SHROOM4: variants seen among roughly 807,000 people sequenced by gnomAD.
The protein encoded by SHROOM4 is shroom family member 4.
A neutral mutation model predicts 80.3 loss-of-function variants in SHROOM4; 17 were observed. That is an observed-to-expected ratio of 0.21 (90% confidence interval 0.14 to 0.32). The LOEUF (loss-of-function observed/expected upper bound fraction) is 0.32. Ranked by LOEUF, SHROOM4 falls within the 10% of genes least tolerant of loss-of-function variation. The pLI is 1.00. For missense variants in SHROOM4, 993 were observed against 1,140.3 expected, an observed-to-expected ratio of 0.87 and a Z score of 1.86; for synonymous variants, 400 against 437.5, an observed-to-expected ratio of 0.91 and a Z score of 1.07.
At chrX:50,687,267 C>CTTTTTTT (rs1217867502) in intron 2 of SHROOM4, 1 of 88,854 alleles carries the variant, frequency 1.1e-5, no homozygotes, top group African/African-American at 4.5e-5. Context: ...ATTTTGGTGT[C>CTTTTTTT]TTTTTTTTTT....
intron 1 of SHROOM4, among the ~76,000 whole-genome samples, chrX:50,701,472 A>G (rs1236028464): frequency 9.0e-6 from 1 of 111,624 alleles, no homozygotes; most frequent in African/African-American, 3.3e-5. Context: ...TTTACACTGA[A>G]GTGTTCTTCT....
At chrX:50,678,079 C>T (rs1269094952) in intron 2 of SHROOM4, among the ~76,000 whole-genome samples, 8 of 111,783 alleles carry the variant, frequency 7.2e-5, no homozygotes, top group Non-Finnish European at 1.1e-4. Context: ...AGCAAAACCA[C>T]TCCTTGTATT....
chrX:50,740,616 G>A (rs999771430), intron 1 of SHROOM4, among the ~76,000 whole-genome samples: 9 of 111,568 alleles, frequency 8.1e-5, no homozygotes, highest in African/African-American at 2.9e-4. Flanking sequence ...TGACAGACAT[G>A]TATAGAGCAC....
intron 2 of SHROOM4, among the ~76,000 whole-genome samples, chrX:50,649,967 G>T (rs1931978292): frequency 8.9e-6 from 1 of 112,148 alleles, no homozygotes; most frequent in Non-Finnish European, 1.9e-5. Flanking sequence ...ATTCATAATG[G>T]TAAAATTTGG....
chrX:50,744,163 GGA>G (rs1478489552), intron 1 of SHROOM4, among the ~76,000 whole-genome samples: 2 of 110,773 alleles, frequency 1.8e-5, no homozygotes, highest in Non-Finnish European at 3.8e-5. Flanking sequence ...TCATATTTGG[GGA>G]TTTTAAGCCA....
rs782073198 is a variant in SHROOM4, at chrX:50,591,912, T to C, written c.*4783A>G. The C allele has an allele frequency of 3.1e-6, 1 of 325,306 alleles. No individual in the cohort carries two copies. Among genetic ancestry groups the C allele is most frequent in the Non-Finnish European group, 5.9e-6 (1 of 168,496 alleles). 26.8% of individuals were successfully genotyped at this position (325,306 alleles called of 1,213,427 possible). On this transcript the variant is annotated 3_prime_UTR_variant, in exon 9 of 9. Transcript: ENST00000376020. ...TTTTGTATTTTTAGTAGAGATAGGG[T>C]TTCACCGTGTTAGCCAGGATGGTCT...
chrX:50,668,197 A>C, intron 2 of SHROOM4, among the ~76,000 whole-genome samples: 1 of 112,177 alleles, frequency 8.9e-6, no homozygotes, highest in South Asian at 3.8e-4. Flanking sequence ...GAGCATAGGC[A>C]TCCGCTCCCC....
chrX:50,651,637 G>T (rs1557258795), intron 2 of SHROOM4, among the ~76,000 whole-genome samples: 1 of 111,357 alleles, frequency 9.0e-6, no homozygotes, highest in Non-Finnish European at 1.9e-5. Flanking sequence ...GAACGTGCAG[G>T]TTTGTTACAT....
chrX:50,624,226 C>A (rs1021888987), intron 5 of SHROOM4, among the ~76,000 whole-genome samples: 3 of 111,863 alleles, frequency 2.7e-5, no homozygotes, highest in Non-Finnish European at 5.6e-5. Context: ...TGTGCTCCCC[C>A]CTTACAGACC....
intron 1 of SHROOM4, among the ~76,000 whole-genome samples, chrX:50,812,756 C>CAA (rs113033542): frequency 7.5e-4 from 79 of 105,670 alleles, no homozygotes; most frequent in East Asian, 3.1e-3. Context: ...CACCCCCCCG[C>CAA]AAAAAAAAAG....
At chrX:50,771,066 G>A (rs782236749) in intron 1 of SHROOM4, among the ~76,000 whole-genome samples, 3 of 112,027 alleles carry the variant, frequency 2.7e-5, no homozygotes, top group African/African-American at 9.7e-5. Flanking sequence ...CCTGAACTCT[G>A]TGGAATGTCA....
rs782459630 is a variant in SHROOM4 at position 50,722,466 on chromosome X, G to A, written c.118-26529C>T. On this transcript the variant is annotated intron_variant, in intron 1 of 8. Transcript: ENST00000376020. ...TCATCAGTACCTGCTAAACCCCAGCGCAGCCCTAAGGTGTGGACTCTCCCT... is the reference window on the plus strand; with the variant it reads ...TCATCAGTACCTGCTAAACCCCAGCACAGCCCTAAGGTGTGGACTCTCCCT... Among the ~76,000 whole-genome samples the A allele has an allele frequency of 7.2e-5, 8 of 110,791 alleles. No homozygotes were observed. In the South Asian group the frequency reaches 1.6e-3, roughly 22 times the overall value.
At chrX:50,692,277 CA>C (rs1933240930) in intron 2 of SHROOM4, among the ~76,000 whole-genome samples, 2 of 111,973 alleles carry the variant, frequency 1.8e-5, no homozygotes, top group African/African-American at 3.3e-5. Flanking sequence ...ACCAGCATCT[CA>C]CAGGGGCCTT....
At chrX:50,612,638 G>A (rs1557250093) in intron 5 of SHROOM4, among the ~76,000 whole-genome samples, 1 of 111,382 alleles carries the variant, frequency 9.0e-6, no homozygotes, top group African/African-American at 3.3e-5. Flanking sequence ...TAAAATATTA[G>A]CAAACAGAAT....
At chrX:50,577,668 A>G in the SHROOM4 span, among the ~76,000 whole-genome samples, 1 of 112,087 alleles carries the variant, frequency 8.9e-6, no homozygotes, top group Non-Finnish European at 1.9e-5. Context: ...CTCTCCTCCA[A>G]TTGCCTACCT....
At chrX:50,730,730 G>A (rs968844416) in intron 1 of SHROOM4, among the ~76,000 whole-genome samples, 18 of 108,503 alleles carry the variant, frequency 1.7e-4, no homozygotes, top group Non-Finnish European at 2.3e-4. Flanking sequence ...AGCCGAGATC[G>A]CACCACTGCA....
intron 2 of SHROOM4, among the ~76,000 whole-genome samples, chrX:50,649,036 G>T (rs180797769): frequency 1.8e-5 from 2 of 111,878 alleles, no homozygotes; most frequent in African/African-American, 6.5e-5. Context: ...GGTAAAATCA[G>T]AGCAATGGCA....
intron 5 of SHROOM4, among the ~76,000 whole-genome samples, chrX:50,623,651 G>A (rs1482911824): frequency 9.0e-6 from 1 of 111,284 alleles, no homozygotes; most frequent in African/African-American, 3.3e-5. Context: ...TTACCATTTG[G>A]CCCAGCAATT....
chrX:50,660,398 G>T (rs1368572560), intron 2 of SHROOM4, among the ~76,000 whole-genome samples: 6 of 111,247 alleles, frequency 5.4e-5, no homozygotes, highest in African/African-American at 1.6e-4. Flanking sequence ...CCACATGCCT[G>T]CCCCCCAAAA....
Sources: gnomAD v4.1 joint callset for allele counts (sites outside exome capture counted in the v4.1 genomes callset) on GRCh38, gnomAD v4.1.1 for gene constraint, MANE v1.5 for transcripts, NCBI Gene and HGNC (gene_info 2026-07-23, HGNC 2026-07-21) for gene names.